RCHY1: variants seen among roughly 807,000 people sequenced by gnomAD.
The protein encoded by RCHY1 is RING finger and CHY zinc finger domain-containing protein 1.
RCHY1 carries 21 observed loss-of-function variants against 41.6 expected under a neutral mutation model. The ratio of observed to expected loss-of-function variants is 0.51; its 90% CI spans 0.36 to 0.73. RCHY1 has a LOEUF of 0.73. Among genes scored for constraint, RCHY1 ranks in the 30% least tolerant of loss-of-function variants. The pLI is 0.00. For synonymous variants in RCHY1, 79 were observed against 102.9 expected (o/e 0.77, Z 1.41); for missense variants, 265 against 325.3 (o/e 0.81, Z 1.43).
At chr4:75,503,046 G>C (rs994577513) in intron 3 of RCHY1, among the ~76,000 whole-genome samples, 5 of 152,090 alleles carry the variant, frequency 3.3e-5, no homozygotes, top group Admixed American at 1.3e-4. Flanking sequence ...ATTCTAGACT[G>C]AAGGTTCTCC....
intron 3 of RCHY1, among the ~76,000 whole-genome samples, chr4:75,500,662 G>A (rs759813055): frequency 1.3e-5 from 2 of 152,170 alleles, no homozygotes; most frequent in African/African-American, 2.4e-5. Context: ...ATGAGAGTCA[G>A]ATATATCTTA....
chr4:75,480,141 G>A lies in RCHY1; in HGVS notation c.*2397C>T, dbSNP rs1172759923. The A allele has an allele frequency of 6.6e-6, 1 of 152,112 alleles. No individual in the cohort carries two copies. The highest frequency in any genetic ancestry group is 2.4e-5 in the African/African-American group (1 of 41,414). The allele number at this position is 152,112 out of a possible 1,614,324, so 9.4% of individuals were successfully genotyped here. ...GAACAAATACTTGAAGCAACCCTGG[G>A]TACCGAAGCCTAGAGACTTTGAGTA... On this transcript the variant is annotated 3_prime_UTR_variant, in exon 9 of 9. Coordinates refer to ENST00000324439, the MANE Select transcript of RCHY1 (RefSeq NM_015436.4).
intron 8 of RCHY1, among the ~76,000 whole-genome samples, chr4:75,486,071 T>C (rs1248678216): frequency 6.6e-6 from 1 of 152,158 alleles, no homozygotes; most frequent in Non-Finnish European, 1.5e-5. Flanking sequence ...GAGCTTCTTC[T>C]TCCCTGTCTT....
chr4:75,514,481 T>G (rs2148794045), upstream of RCHY1: 2 of 555,386 alleles, frequency 3.6e-6, no homozygotes, highest in Middle Eastern at 5.1e-4. Flanking sequence ...GCAGACGCAG[T>G]CTCCGTCGTT....
intron 8 of RCHY1, among the ~76,000 whole-genome samples, chr4:75,488,177 T>C (rs1722420558): frequency 6.6e-6 from 1 of 151,996 alleles, no homozygotes; most frequent in African/African-American, 2.4e-5. Context: ...TATGAGATTC[T>C]AAAATTCTTT....
chr4:75,490,967 T>C (rs2148726423), intron 7 of RCHY1: 2 of 251,064 alleles, frequency 8.0e-6, no homozygotes, highest in African/African-American at 2.2e-5. Context: ...ATACACTTCA[T>C]ATATTTTTAT....
chr4:75,497,109 T>A (rs533305360), intron 3 of RCHY1, among the ~76,000 whole-genome samples: 5 of 152,080 alleles, frequency 3.3e-5, no homozygotes, highest in Admixed American at 1.3e-4. Flanking sequence ...AAAAGGTTAG[T>A]CAACTTGAAG....
intron 8 of RCHY1, among the ~76,000 whole-genome samples, chr4:75,486,667 C>T (rs1722033584): frequency 6.6e-6 from 1 of 151,950 alleles, no homozygotes; most frequent in African/African-American, 2.4e-5. Flanking sequence ...AGTGTAAAAA[C>T]AAGCAAGATA....
At chr4:75,487,682 T>TATATATTCATA (rs1560513122) in intron 8 of RCHY1, among the ~76,000 whole-genome samples, 1 of 36,616 alleles carries the variant, frequency 2.7e-5, no homozygotes, top group Non-Finnish European at 4.9e-5. Flanking sequence ...ATATTCATAA[T>TATATATTCATA]ATATATATTC....
At chr4:75,511,626 T>C (rs1376167954) in intron 1 of RCHY1, among the ~76,000 whole-genome samples, 5 of 152,138 alleles carry the variant, frequency 3.3e-5, no homozygotes, top group African/African-American at 9.7e-5. Context: ...TTAAAAGATA[T>C]ATTCAAGGGT....
In RCHY1 at chr4:75,509,131, T is replaced by C. The variant is rs201556958; in HGVS notation, c.210+46A>G. On this transcript the variant is annotated intron_variant, in intron 2 of 8. Coordinates refer to ENST00000324439, the MANE Select transcript of RCHY1 (RefSeq NM_015436.4). Reference sequence around the variant, plus strand: ...TTTGATTAAATTTTTTCAAACCACCTTAATACAGCTTTTAAAAAGAAAATA... The same window carrying C: ...TTTGATTAAATTTTTTCAAACCACCCTAATACAGCTTTTAAAAAGAAAATA... 4 of 1,565,954 alleles carry C rather than the reference T, an allele frequency of 2.6e-6. No homozygotes were observed. In the East Asian group the frequency reaches 9.0e-5, roughly 35 times the overall value.
At chr4:75,513,955 CTG>C (rs750308929) in intron 1 of RCHY1, 1 of 425,952 alleles carries the variant, frequency 2.3e-6, no homozygotes, top group Non-Finnish European at 4.0e-6. Context: ...GCAGAGACCA[CTG>C]TGCAAGCCTA....
intron 3 of RCHY1, among the ~76,000 whole-genome samples, chr4:75,495,015 T>C (rs1723065716): frequency 6.6e-6 from 1 of 152,014 alleles, no homozygotes. Flanking sequence ...TTAACCAATT[T>C]ACTGGTAAAA....
intron 8 of RCHY1, among the ~76,000 whole-genome samples, chr4:75,483,733 T>G (rs1461417751): frequency 2.6e-5 from 4 of 152,184 alleles, no homozygotes; most frequent in Non-Finnish European, 5.9e-5. Flanking sequence ...ACATGAATTA[T>G]GAAACACTCC....
chr4:75,487,475 T>TATATAGTC (rs1722129296), intron 8 of RCHY1, among the ~76,000 whole-genome samples: 1 of 122,636 alleles, frequency 8.2e-6, no homozygotes, highest in Non-Finnish European at 1.7e-5. Flanking sequence ...ATATTCACAA[T>TATATAGTC]ATATATAGTC....
intron 1 of RCHY1, among the ~76,000 whole-genome samples, chr4:75,512,141 C>T (rs1417351557): frequency 6.6e-6 from 1 of 152,180 alleles, no homozygotes; most frequent in Non-Finnish European, 1.5e-5. Flanking sequence ...AAAGCATCAC[C>T]GTCCTTGCTG....
intron 8 of RCHY1, among the ~76,000 whole-genome samples, chr4:75,485,948 GT>G (rs1721961164): frequency 6.6e-6 from 1 of 152,166 alleles, no homozygotes; most frequent in Admixed American, 6.5e-5. Flanking sequence ...TGATTTGACT[GT>G]GAGCTTGTTT....
At chr4:75,505,191 C>G (rs1288572120) in intron 3 of RCHY1, among the ~76,000 whole-genome samples, 1 of 152,108 alleles carries the variant, frequency 6.6e-6, no homozygotes, top group Non-Finnish European at 1.5e-5. Context: ...GTTTGTGCTC[C>G]TATGAGAATC....
At chr4:75,499,367 G>A (rs554855677) in intron 3 of RCHY1, among the ~76,000 whole-genome samples, 1 of 152,256 alleles carries the variant, frequency 6.6e-6, no homozygotes, top group South Asian at 2.1e-4. Context: ...TCTGAATGGA[G>A]AGTCCTCAAA....
Sources: gnomAD v4.1 joint callset for allele counts (sites outside exome capture counted in the v4.1 genomes callset) on GRCh38, gnomAD v4.1.1 for gene constraint, MANE v1.5 for transcripts, NCBI Gene and HGNC (gene_info 2026-07-23, HGNC 2026-07-21) for gene names.